Variants in ABCA13 observed in about 807,000 individuals in gnomAD.
ABCA13 encodes the protein ATP-binding cassette sub-family A member 13.
A neutral mutation model predicts 478.7 loss-of-function variants in ABCA13; 476 were observed. The ratio of observed to expected loss-of-function variants is 0.99; its 90% CI spans 0.92 to 1.07. The LOEUF (loss-of-function observed/expected upper bound fraction) is 1.07, where lower values mean the gene tolerates loss of function less well. ABCA13 is among the 50% of genes least tolerant of loss of function. The probability of loss-of-function intolerance (pLI) is 0.00; values close to 1 mark genes in which losing one functional copy is unlikely to be tolerated. For missense variants in ABCA13, 6,060 were observed against 5,910.6 expected (o/e 1.03, Z -0.83); for synonymous variants, 2,252 against 2,158.9 (o/e 1.04, Z -1.20).
intron 42 of ABCA13, among the ~76,000 whole-genome samples, chr7:48,432,649 A>G (rs1822303063): frequency 6.6e-6 from 1 of 152,194 alleles, no homozygotes. Context: ...TTAAAAAAGA[A>G]GCAAATTCTG....
At chr7:48,511,270 T>C (rs570730041) in intron 51 of ABCA13, 71 bp downstream of exon 51, 7 of 1,253,608 alleles carry the variant, frequency 5.6e-6, no homozygotes, top group Admixed American at 2.2e-5. Context: ...AGGATGGCTT[T>C]GAACCTGCTG....
At chr7:48,457,770 C>T (rs1008419228) in intron 43 of ABCA13, among the ~76,000 whole-genome samples, 2 of 152,168 alleles carry the variant, frequency 1.3e-5, no homozygotes, top group Admixed American at 6.5e-5. Context: ...TGCAAGTGCC[C>T]CACTTCTCAT....
At chr7:48,574,223 G>T (rs995114796) in intron 55 of ABCA13, among the ~76,000 whole-genome samples, 5 of 152,098 alleles carry the variant, frequency 3.3e-5, no homozygotes, top group African/African-American at 4.8e-5. Context: ...ACTTCAAAGA[G>T]AATTCTCTTT....
chr7:48,472,261 G>A (rs1054176769), intron 45 of ABCA13, among the ~76,000 whole-genome samples: 35 of 152,284 alleles, frequency 2.3e-4, no homozygotes, highest in African/African-American at 8.2e-4. Flanking sequence ...GAAGTTAATT[G>A]AGCATCTGTA....
At chr7:48,383,035 C>A (rs1420435034) in intron 35 of ABCA13, among the ~76,000 whole-genome samples, 3 of 152,116 alleles carry the variant, frequency 2.0e-5, no homozygotes, top group Admixed American at 6.5e-5. Context: ...ACAGCTGGAA[C>A]TGTGAGCCCT....
At position 48,274,086 on chromosome 7, in the gene ABCA13, C is replaced by T; in HGVS notation, c.4420C>T (p.Leu1474Phe). The T allele has an allele frequency of 6.2e-7, 1 of 1,606,358 alleles. No homozygotes were observed. Among genetic ancestry groups the T allele is most frequent in the Non-Finnish European group, 8.5e-7 (1 of 1,175,524 alleles). The stretch of plus-strand genomic sequence containing the variant: ...TGTAACTGACTTTCTAAATATTGTA[C>T]TTACTACAGTCTTTGAAAAAGAGAA... ...KDVTDFLNIVLTTVFEKEKKP... is the reference protein window; with the variant it reads ...KDVTDFLNIVFTTVFEKEKKP... Residue 1474 changes from leucine (L) to phenylalanine (F), a missense_variant, in exon 17 of 62, where the codon CTT becomes TTT. Physicochemically the swap from Leu to Phe is conservative, Grantham distance 22. Transcript: ENST00000435803.
chr7:48,611,018 T>G (rs1791977273), intron 58 of ABCA13, among the ~76,000 whole-genome samples: 1 of 152,258 alleles, frequency 6.6e-6, no homozygotes, highest in African/African-American at 2.4e-5. Context: ...TCTTCTTTAC[T>G]TATGCAAATT....
In ABCA13 at chr7:48,276,399, A is replaced by G; in HGVS notation, c.6733A>G (p.Met2245Val). ...MNFINLILNH[M>V]QSETSRKTVL... ...TTTCATTAACCTTATCTTGAACCAT[A>G]TGCAGTCAGAAACTAGTAGGAAAAC... The change falls in exon 17 of 62, where the codon ATG (methionine) becomes GTG (valine). Residue 2245 changes from methionine to valine, a missense_variant. This residue lies in a region of ABCA13 where 4,423 missense variants were observed against 4,309.1 expected (regional missense o/e 1.03). Coordinates refer to ENST00000435803, the MANE Select transcript of ABCA13 (RefSeq NM_152701.5). The G allele has an allele frequency of 3.8e-6, 6 of 1,559,366 alleles. No homozygotes were observed. Among genetic ancestry groups the G allele is most frequent in the Non-Finnish European group, 5.2e-6 (6 of 1,154,376 alleles).
At chr7:48,509,587 G>C (rs1222725347) in intron 50 of ABCA13, among the ~76,000 whole-genome samples, 1 of 152,148 alleles carries the variant, frequency 6.6e-6, no homozygotes, top group East Asian at 1.9e-4. Flanking sequence ...TTTGATCTTG[G>C]TGATTAAGGA....
chr7:48,246,615 C>G (rs867727380), intron 13 of ABCA13, among the ~76,000 whole-genome samples: 2 of 151,658 alleles, frequency 1.3e-5, no homozygotes, highest in Admixed American at 1.3e-4. Flanking sequence ...TTTTTTATAT[C>G]CTTATATACC....
Position 48,338,442 on chromosome 7 carries a change from A to G in ABCA13, c.10191A>G (p.Lys3397=). The change falls in exon 29 of 62, where the codon AAA becomes AAG. Residue 3397 remains lysine (K), a synonymous_variant. Transcript: ENST00000435803. ...LHIDVDKLTE[K]LQTYGGLLDE... is the part of the protein sequence containing the mutation. ...TTGATGTAGACAAACTTACTGAAAA[A>G]CTCCAGACATACGGTAAGTGTGCTG... 6.3e-7 allele frequency: 1 copy of G among 1,591,874 alleles called. No homozygotes were observed. Among genetic ancestry groups the G allele is most frequent in the Middle Eastern group, 1.7e-4 (1 of 6,032 alleles).
At chr7:48,265,214 A>G (rs1198995247) in intron 15 of ABCA13, among the ~76,000 whole-genome samples, 1 of 151,598 alleles carries the variant, frequency 6.6e-6, no homozygotes, top group Non-Finnish European at 1.5e-5. Context: ...AAATTTAGGT[A>G]GTGTTAGACC....
At chr7:48,560,497 C>T (rs61310674) in intron 55 of ABCA13, among the ~76,000 whole-genome samples, 21,082 of 152,046 alleles carry the variant, frequency 0.14, 1,826 homozygotes, top group African/African-American at 0.23. Context: ...TAATTGCTCA[C>T]CTAATTTTTG....
intron 43 of ABCA13, among the ~76,000 whole-genome samples, chr7:48,455,798 T>C (rs899374580): frequency 4.6e-5 from 7 of 152,220 alleles, no homozygotes; most frequent in African/African-American, 1.7e-4. Flanking sequence ...CTGGGGTCAA[T>C]TGAGCAGGAT....
At position 48,389,047 on chromosome 7, in the gene ABCA13, A is replaced by C; in HGVS notation, c.11481A>C (p.Ser3827=). The C allele has an allele frequency of 1.2e-6, 2 of 1,613,552 alleles. No individual in the cohort carries two copies. The highest frequency in any genetic ancestry group is 1.7e-6 in the Non-Finnish European group (2 of 1,179,660). The change falls in exon 37 of 62, where the codon TCA becomes TCC. Residue 3827 remains serine (S), a synonymous_variant. Transcript: ENST00000435803. The part of the protein sequence containing the change: ...FNENFDNKGS[S]LQNREGELEG... ...TTTTCATCTCTCTCACAGGGTCATC[A>C]CTGCAAAACAGGGAAGGAGAGCTTG...
chr7:48,458,324 AC>A (rs760650622), intron 43 of ABCA13, among the ~76,000 whole-genome samples: 1 of 152,056 alleles, frequency 6.6e-6, no homozygotes, highest in Non-Finnish European at 1.5e-5. Context: ...GTAACCCAGC[AC>A]CCATCCTTGC....
intron 5 of ABCA13, among the ~76,000 whole-genome samples, chr7:48,225,798 A>G (rs1220973092): frequency 6.6e-6 from 1 of 152,094 alleles, no homozygotes; most frequent in African/African-American, 2.4e-5. Flanking sequence ...GGGAAAAGAG[A>G]GAATTGCTGG....
intron 43 of ABCA13, among the ~76,000 whole-genome samples, chr7:48,463,411 G>A (rs912377845): frequency 5.9e-5 from 9 of 152,146 alleles, no homozygotes; most frequent in Non-Finnish European, 1.2e-4. Flanking sequence ...GGAATAGAAG[G>A]CATCAGCTCC....
intron 38 of ABCA13, among the ~76,000 whole-genome samples, chr7:48,399,657 A>G (rs112321184): frequency 3.5e-4 from 54 of 152,308 alleles, no homozygotes; most frequent in African/African-American, 1.3e-3. Flanking sequence ...TAAAATCTCT[A>G]AGAATAATGA....
Sources: allele counts gnomAD v4.1 joint callset (sites outside exome capture counted in the v4.1 genomes callset), GRCh38; gene constraint gnomAD v4.1.1; regional missense constraint gnomAD v4.1.1; transcripts MANE v1.5; gene names NCBI Gene and HGNC (gene_info 2026-07-23, HGNC 2026-07-21).